Variants in EPDR1 observed in about 807,000 individuals in gnomAD.
EPDR1 encodes the protein mammalian ependymin-related protein 1.
EPDR1 carries 27 observed loss-of-function variants against 23.7 expected under a neutral mutation model. The ratio of observed to expected loss-of-function variants is 1.14; its 90% CI spans 0.84 to 1.57. The LOEUF (loss-of-function observed/expected upper bound fraction) is 1.57. Ranked by LOEUF, EPDR1 falls within the 40% of genes most tolerant of loss-of-function variation. EPDR1 has a pLI of 0.00. For missense variants in EPDR1, 349 were observed against 290.4 expected, an observed-to-expected ratio of 1.20 and a Z score of -1.47; for synonymous variants, 137 against 118.2, an observed-to-expected ratio of 1.16 and a Z score of -1.03.
intron 1 of EPDR1, among the ~76,000 whole-genome samples, chr7:37,923,577 A>G (rs933707072): frequency 6.6e-6 from 1 of 152,164 alleles, no homozygotes; most frequent in Admixed American, 6.5e-5. Context: ...ATGAATAGTC[A>G]TATTGAAGAT....
At chr7:37,929,208 A>G (rs1475282956) in intron 1 of EPDR1, among the ~76,000 whole-genome samples, 1 of 152,176 alleles carries the variant, frequency 6.6e-6, no homozygotes, top group African/African-American at 2.4e-5. Flanking sequence ...TTATATTAAT[A>G]TATCCAAGGC....
chr7:37,949,092 T>C, intron 2 of EPDR1, 44 bp downstream of exon 2: 3 of 1,576,422 alleles, frequency 1.9e-6, no homozygotes, highest in Non-Finnish European at 2.6e-6. Flanking sequence ...GCATGCATGA[T>C]GGGGAAAAAG....
At position 37,948,978 on chromosome 7, in the gene EPDR1, G is replaced by A; in HGVS notation, c.408G>A (p.Gln136=). The change falls in exon 2 of 3, where the codon CAG becomes CAA. Residue 136 remains glutamine, a synonymous_variant. Transcript: ENST00000199448. The part of the protein sequence containing the change: ...DIPQNSTFED[Q]YSIGGPQEQI... ...CTCAAAACTCCACCTTTGAAGACCAGTACTCCATCGGGGGGCCTCAGGAGC... is the reference window on the plus strand; with the variant it reads ...CTCAAAACTCCACCTTTGAAGACCAATACTCCATCGGGGGGCCTCAGGAGC... 1.2e-6 allele frequency: 2 copies of A among 1,614,166 alleles called. No individual in the cohort carries two copies. Among genetic ancestry groups the A allele is most frequent in the South Asian group, 2.2e-5 (2 of 91,078 alleles).
intron 1 of EPDR1, among the ~76,000 whole-genome samples, chr7:37,942,744 T>A (rs1462708039): frequency 6.6e-6 from 1 of 152,148 alleles, no homozygotes; most frequent in African/African-American, 2.4e-5. Flanking sequence ...ATCCCTAGAT[T>A]GCTTAATTTT....
intron 1 of EPDR1, among the ~76,000 whole-genome samples, chr7:37,943,252 C>G (rs143714001): frequency 4.6e-5 from 7 of 152,234 alleles, no homozygotes; most frequent in Non-Finnish European, 7.3e-5. Context: ...CCAGCGGGGG[C>G]GTTGGTGCCT....
rs922249836 is a variant in EPDR1, at chr7:37,942,762, T to C, written c.270-6078T>C. 2.6e-5 allele frequency among the ~76,000 whole-genome samples: 4 copies of C among 152,142 alleles called. No individual in the cohort carries two copies. The East Asian group carries it at 5.8e-4, about 22-fold the overall frequency. On this transcript the variant is annotated intron_variant, in intron 1 of 2. Coordinates refer to ENST00000199448, the MANE Select transcript of EPDR1 (RefSeq NM_017549.5). ...CCTAGATTGCTTAATTTTTTTATAT[T>C]GATCATGAATCTGTTTTACTAAAAA...
intron 2 of EPDR1, among the ~76,000 whole-genome samples, chr7:37,949,837 T>G (rs1173044166): frequency 6.6e-6 from 1 of 152,192 alleles, no homozygotes; most frequent in Non-Finnish European, 1.5e-5. Flanking sequence ...CTTGAGGACA[T>G]AATGTTAAGA....
chr7:37,936,801 C>A (rs1039916830), intron 1 of EPDR1, among the ~76,000 whole-genome samples: 5 of 152,008 alleles, frequency 3.3e-5, no homozygotes, highest in African/African-American at 1.2e-4. Flanking sequence ...TTTAAACACC[C>A]CTTTTTTGGA....
chr7:37,930,634 C>T (rs1471622959), intron 1 of EPDR1, among the ~76,000 whole-genome samples: 3 of 152,206 alleles, frequency 2.0e-5, no homozygotes, highest in Non-Finnish European at 4.4e-5. Flanking sequence ...CTGGCTTACC[C>T]TTGGACCCCA....
At chr7:37,936,394 T>C (rs887770073) in intron 1 of EPDR1, among the ~76,000 whole-genome samples, 3 of 152,086 alleles carry the variant, frequency 2.0e-5, no homozygotes, top group Non-Finnish European at 2.9e-5. Context: ...CAGCCCTTTT[T>C]CTGCTAAACT....
chr7:37,948,536 AG>A (rs1308232130), intron 1 of EPDR1, among the ~76,000 whole-genome samples: 1 of 151,932 alleles, frequency 6.6e-6, no homozygotes, highest in East Asian at 1.9e-4. Context: ...TTCTAGAGAC[AG>A]GGGTCTCACT....
intron 1 of EPDR1, among the ~76,000 whole-genome samples, chr7:37,944,255 T>TTG (rs1461508605): frequency 6.6e-6 from 1 of 151,966 alleles, no homozygotes; most frequent in African/African-American, 2.4e-5. Flanking sequence ...CCTATTCCAT[T>TTG]TGCGTTTTGG....
intron 2 of EPDR1, among the ~76,000 whole-genome samples, chr7:37,949,326 G>T (rs955849277): frequency 1.3e-5 from 2 of 152,120 alleles, no homozygotes; most frequent in Non-Finnish European, 2.9e-5. Context: ...TCGTCCCGAG[G>T]TCTGTGACAT....
At chr7:37,945,870 C>A (rs761104364) in intron 1 of EPDR1, among the ~76,000 whole-genome samples, 7 of 152,140 alleles carry the variant, frequency 4.6e-5, no homozygotes, top group African/African-American at 1.7e-4. Context: ...TACTGATGCT[C>A]CCCCTCCCCC....
At chr7:37,930,825 A>G (rs1785922278) in intron 1 of EPDR1, among the ~76,000 whole-genome samples, 1 of 152,240 alleles carries the variant, frequency 6.6e-6, no homozygotes, top group East Asian at 1.9e-4. Context: ...CTCTTTCATC[A>G]TGCTGAATCA....
chr7:37,921,302 G>T (rs1471836590), intron 1 of EPDR1, 94 bp downstream of exon 1: 2 of 1,454,390 alleles, frequency 1.4e-6, no homozygotes, highest in Admixed American at 2.6e-5. Context: ...ACTCTTTCCG[G>T]CCCCTTGCAG....
chr7:37,939,130 C>G (rs982011247), intron 1 of EPDR1, among the ~76,000 whole-genome samples: 1 of 151,980 alleles, frequency 6.6e-6, no homozygotes, highest in South Asian at 2.1e-4. Flanking sequence ...AGGCGCCCAC[C>G]ACCACACCCG....
At chr7:37,937,985 ATTT>A (rs35752051) in intron 1 of EPDR1, among the ~76,000 whole-genome samples, 80 of 72,396 alleles carry the variant, frequency 1.1e-3, no homozygotes, top group Admixed American at 1.4e-3. Context: ...TGCCCTTTAA[ATTT>A]TTTTTTTTTT....
At chr7:37,945,092 C>T (rs538808425) in intron 1 of EPDR1, among the ~76,000 whole-genome samples, 1 of 152,254 alleles carries the variant, frequency 6.6e-6, no homozygotes, top group Admixed American at 6.5e-5. Flanking sequence ...GACAACAATT[C>T]CCATATTTAC....
Sources: gnomAD v4.1 joint callset for allele counts (sites outside exome capture counted in the v4.1 genomes callset) on GRCh38, gnomAD v4.1.1 for gene constraint, MANE v1.5 for transcripts, NCBI Gene and HGNC (gene_info 2026-07-23, HGNC 2026-07-21) for gene names.